Variants in ITGA8 observed in about 807,000 individuals in gnomAD.
The protein encoded by ITGA8 is integrin alpha-8.
A neutral mutation model predicts 142.3 loss-of-function variants in ITGA8; 91 were observed. The observed-to-expected ratio is 0.64, with a 90% CI of 0.54 to 0.76. The LOEUF (loss-of-function observed/expected upper bound fraction) is 0.76. Among genes scored for constraint, ITGA8 ranks in the 30% least tolerant of loss-of-function variants. ITGA8 has a pLI of 0.00. For missense variants in ITGA8, 1,406 were observed against 1,327.7 expected (o/e 1.06, Z -0.92); for synonymous variants, 505 against 485.2 (o/e 1.04, Z -0.54).
At chr10:15,706,891 C>G (rs745394254) in intron 2 of ITGA8, among the ~76,000 whole-genome samples, 21 of 152,218 alleles carry the variant, frequency 1.4e-4, no homozygotes, top group Non-Finnish European at 2.1e-4. Flanking sequence ...GGCCTTCTGG[C>G]CTAATTTCCT....
intron 2 of ITGA8, among the ~76,000 whole-genome samples, chr10:15,712,907 T>G (rs768655354): frequency 4.4e-4 from 67 of 152,362 alleles, no homozygotes; most frequent in Non-Finnish European, 5.4e-4. Context: ...GCCAAGAACC[T>G]TGAAGCCTGT....
intron 13 of ITGA8, among the ~76,000 whole-genome samples, chr10:15,621,806 G>A (rs1269074704): frequency 6.6e-6 from 1 of 152,110 alleles, no homozygotes; most frequent in Non-Finnish European, 1.5e-5. Context: ...GTTTGAGATT[G>A]CAGTGAGCTA....
intron 2 of ITGA8, among the ~76,000 whole-genome samples, chr10:15,699,609 C>G (rs1348364633): frequency 6.6e-6 from 1 of 152,052 alleles, no homozygotes; most frequent in East Asian, 1.9e-4. Context: ...TTCCAGTTTT[C>G]CCACTTCTAC....
intron 25 of ITGA8, among the ~76,000 whole-genome samples, chr10:15,559,247 C>G (rs1008266568): frequency 6.6e-6 from 1 of 152,198 alleles, no homozygotes; most frequent in Non-Finnish European, 1.5e-5. Context: ...CTTCTCTGAC[C>G]AAGAACCCAA....
At chr10:15,537,975 A>ACAAAAC (rs1271331062) in intron 27 of ITGA8, among the ~76,000 whole-genome samples, 1 of 151,348 alleles carries the variant, frequency 6.6e-6, no homozygotes, top group Non-Finnish European at 1.5e-5. Flanking sequence ...ACAAAACAAA[A>ACAAAAC]AAAAAACACA....
At chr10:15,718,435 C>G (rs1835493891) in intron 2 of ITGA8, among the ~76,000 whole-genome samples, 1 of 152,148 alleles carries the variant, frequency 6.6e-6, no homozygotes, top group Non-Finnish European at 1.5e-5. Context: ...TCTCCACAGT[C>G]AAAGTTAGGA....
chr10:15,669,624 T>G (rs2131682823), intron 8 of ITGA8, among the ~76,000 whole-genome samples: 1 of 152,328 alleles, frequency 6.6e-6, no homozygotes, highest in South Asian at 2.1e-4. Context: ...CTGCTCTGTT[T>G]TTTTCCCATC....
In ITGA8 at chr10:15,565,573, A is replaced by ATTTTTTTTT. The variant is rs71374633; in HGVS notation, c.2637+6629_2637+6637dup. On this transcript the variant is annotated intron_variant, in intron 25 of 29. Coordinates refer to ENST00000378076, the MANE Select transcript of ITGA8 (RefSeq NM_003638.3). ...ATAATCTTCTTCCTTTCATGTCCTGATTTTTTTTTTTTTTTTTTTTTTTTT... is the reference window on the plus strand; with the variant it reads ...ATAATCTTCTTCCTTTCATGTCCTGATTTTTTTTTTTTTTTTTTTTTTTTTTTTTTTTTT... 3.1e-3 allele frequency among the ~76,000 whole-genome samples: 107 copies of ATTTTTTTTT among 34,794 alleles called. 18 individuals are homozygous for ATTTTTTTTT. Among genetic ancestry groups the ATTTTTTTTT allele is most frequent in the South Asian group, 6.9e-3 (4 of 576 alleles). The allele number at this position is 34,794 out of a possible 152,430, so 22.8% of individuals were successfully genotyped here. A position where few individuals can be genotyped will look rare whatever the true frequency, so the allele number is the denominator to read the frequency against.
chr10:15,577,674 A>G (rs1331698706), intron 23 of ITGA8, among the ~76,000 whole-genome samples: 5 of 152,164 alleles, frequency 3.3e-5, no homozygotes, highest in African/African-American at 1.2e-4. Context: ...AAAGATCTCA[A>G]CTAAATCAGT....
chr10:15,614,628 A>C (rs1253390376), intron 14 of ITGA8, among the ~76,000 whole-genome samples: 1 of 152,186 alleles, frequency 6.6e-6, no homozygotes, highest in African/African-American at 2.4e-5. Flanking sequence ...GCTTGGTTCC[A>C]AGATATGATC....
In ITGA8 at chr10:15,575,584, G is replaced by C; in HGVS notation, c.2383C>G (p.Pro795Ala). Residue 795 changes from proline (P) to alanine (A), a missense_variant, in exon 24 of 30, where the codon CCT (proline) becomes GCT (alanine). Transcript: ENST00000378076. ...AQVEIRGVSH[P>A]PQIVLPIHNW... ...TGAATGGGCAGAACAATCTGCGGAG[G>C]GTGTGACACTCTGAAACATGAAATG... The C allele has an allele frequency of 1.2e-6, 2 of 1,613,166 alleles. No individual in the cohort carries two copies. Among genetic ancestry groups the C allele is most frequent in the Non-Finnish European group, 1.7e-6 (2 of 1,179,236 alleles).
At chr10:15,518,090 T>C (rs1354221458) in intron 29 of ITGA8, among the ~76,000 whole-genome samples, 1 of 152,188 alleles carries the variant, frequency 6.6e-6, no homozygotes, top group African/African-American at 2.4e-5. Flanking sequence ...CACAGAATCT[T>C]AGTGACTTTC....
rs1027567855 is a variant in ITGA8 at position 15,647,058 on chromosome 10, G to C, written c.1002-7C>G. 14 of 1,611,402 alleles carry C rather than the reference G, an allele frequency of 8.7e-6. No homozygotes were observed. The highest frequency in any genetic ancestry group is 1.1e-5 in the Non-Finnish European group (13 of 1,178,890). On this transcript the variant is annotated splice_region_variant and splice_polypyrimidine_tract_variant and intron_variant, in intron 11 of 29. Transcript: ENST00000378076. ...AACCAGGACATCATCCAGTCTGTAA[G>C]GAACAAAGAAAGCAGCTCAGCACGC...
At chr10:15,693,451 C>G (rs1387260832) in intron 2 of ITGA8, among the ~76,000 whole-genome samples, 1 of 152,096 alleles carries the variant, frequency 6.6e-6, no homozygotes, top group Non-Finnish European at 1.5e-5. Context: ...AGTAGAAAAT[C>G]ATGAATTTCC....
chr10:15,572,843 C>T (rs374783122), intron 24 of ITGA8, among the ~76,000 whole-genome samples: 13 of 152,288 alleles, frequency 8.5e-5, no homozygotes, highest in South Asian at 2.1e-4. Flanking sequence ...AGTGCCAAGG[C>T]GGGCCCATGA....
At chr10:15,684,391 A>G in intron 3 of ITGA8, among the ~76,000 whole-genome samples, 1 of 151,866 alleles carries the variant, frequency 6.6e-6, no homozygotes, top group East Asian at 1.9e-4. Flanking sequence ...TTTGGAGACA[A>G]GGTCTTGCTC....
At chr10:15,706,864 C>A (rs543709674) in intron 2 of ITGA8, among the ~76,000 whole-genome samples, 1 of 152,306 alleles carries the variant, frequency 6.6e-6, no homozygotes, top group African/African-American at 2.4e-5. Flanking sequence ...AGATACTATA[C>A]CATCTTGCTT....
Position 15,688,012 on chromosome 10 carries a change from T to A in ITGA8, c.370A>T (p.Thr124Ser). The A allele has an allele frequency of 6.2e-7, 1 of 1,612,498 alleles. No homozygotes were observed. Among genetic ancestry groups the A allele is most frequent in the Non-Finnish European group, 8.5e-7 (1 of 1,178,536 alleles). Residue 124 changes from threonine (T) to serine (S), a missense_variant, in exon 3 of 30, where the codon ACC (threonine) becomes TCC (serine). By Grantham distance (58) the Thr-to-Ser change is moderately conservative. Transcript: ENST00000378076. ...TNNRKIRVNG[T>S]KEPIEFKSNQ... ...GATTTGAACTCGATAGGTTCTTTGG[T>A]TCCATTAACTCTGATCTTTCTGTTG...
intron 28 of ITGA8, among the ~76,000 whole-genome samples, chr10:15,521,444 A>G (rs80225938): frequency 0.17 from 25,757 of 152,064 alleles, 2,762 homozygotes; most frequent in African/African-American, 0.31. Flanking sequence ...TGATGACTCA[A>G]TTCATTCGAT....
Sources: allele counts gnomAD v4.1 joint callset (sites outside exome capture counted in the v4.1 genomes callset), GRCh38; gene constraint gnomAD v4.1.1; transcripts MANE v1.5; gene names NCBI Gene and HGNC (gene_info 2026-07-23, HGNC 2026-07-21).